The following STXBP5 variants were observed in gnomAD, a reference collection of about 807,000 sequenced individuals.
The protein encoded by STXBP5 is syntaxin binding protein 5.
Under a neutral mutation model 152.4 loss-of-function variants are expected in STXBP5, and 50 were observed. The ratio of observed to expected loss-of-function variants is 0.33; its 90% confidence interval spans 0.26 to 0.42. The LOEUF (loss-of-function observed/expected upper bound fraction) is 0.42, where lower values mean the gene tolerates loss of function less well. STXBP5 is among the 10% of genes least tolerant of loss of function. STXBP5 has a pLI of 1.00. For synonymous variants in STXBP5, 492 were observed against 494.7 expected (o/e 0.99, Z 0.07); for missense variants, 1,167 against 1,388.6 (o/e 0.84, Z 2.54).
At position 147,338,930 on chromosome 6, in the gene STXBP5, T is replaced by G. The variant is rs138737922; in HGVS notation, c.2147-249T>G. Among the ~76,000 whole-genome samples, 23 of 151,928 alleles carry G rather than the reference T, an allele frequency of 1.5e-4. No individual in the cohort carries two copies. In the East Asian group the frequency reaches 4.1e-3, roughly 27 times the overall value. ...TCTAACATCTAATATACCAAGATTT[T>G]GCCAAATTGTTGTAGAGTTAATATT... On this transcript the variant is annotated intron_variant, in intron 19 of 27. Coordinates refer to ENST00000321680, the MANE Select transcript of STXBP5 (RefSeq NM_001127715.4).
In STXBP5 at chr6:147,208,811, A is replaced by G. The variant is rs1367092063; in HGVS notation, c.248+2743A>G. Among the ~76,000 whole-genome samples the G allele has an allele frequency of 6.6e-5, 10 of 152,162 alleles. No homozygotes were observed. The East Asian group carries it at 1.9e-3, about 29-fold the overall frequency. On this transcript the variant is annotated intron_variant, in intron 2 of 27. Coordinates refer to ENST00000321680, the MANE Select transcript of STXBP5 (RefSeq NM_001127715.4). The stretch of plus-strand genomic sequence containing the variant: ...TGGGTTAAAACCAAAAAATCAAAGA[A>G]GAAAGATATATCTGATAGCTAATGT...
At chr6:147,335,638 AT>A (rs1348792181) in intron 19 of STXBP5, among the ~76,000 whole-genome samples, 6 of 152,158 alleles carry the variant, frequency 3.9e-5, no homozygotes, top group Non-Finnish European at 7.3e-5. Flanking sequence ...ATCTAAGTAT[AT>A]GAATATAAAA....
chr6:147,359,935 C>G (rs1304438932), intron 23 of STXBP5, among the ~76,000 whole-genome samples: 1 of 151,846 alleles, frequency 6.6e-6, no homozygotes, highest in Non-Finnish European at 1.5e-5. Context: ...ACAATGAACT[C>G]AAACAAATTT....
intron 26 of STXBP5, among the ~76,000 whole-genome samples, chr6:147,379,473 A>T (rs1418147084): frequency 3.3e-5 from 5 of 152,296 alleles, no homozygotes; most frequent in Admixed American, 6.5e-5. Context: ...AGATTCAATA[A>T]AAGATACCAG....
intron 9 of STXBP5, among the ~76,000 whole-genome samples, chr6:147,301,043 T>C (rs756475507): frequency 6.6e-6 from 1 of 151,606 alleles, no homozygotes; most frequent in Non-Finnish European, 1.5e-5. Context: ...ATCAGGCATA[T>C]GAAGAAATGT....
At chr6:147,380,813 A>T (rs969979478) in intron 26 of STXBP5, among the ~76,000 whole-genome samples, 3 of 152,194 alleles carry the variant, frequency 2.0e-5, no homozygotes, top group African/African-American at 7.2e-5. Flanking sequence ...AACTCTTAAA[A>T]ACTCAATAAT....
intron 8 of STXBP5, among the ~76,000 whole-genome samples, chr6:147,279,766 G>A (rs114963007): frequency 1.4e-3 from 212 of 152,014 alleles, no homozygotes; most frequent in African/African-American, 4.9e-3. Context: ...TCCTCATCTC[G>A]ACACTCCTAA....
At chr6:147,257,427 T>C (rs1779424441) in intron 4 of STXBP5, among the ~76,000 whole-genome samples, 1 of 151,884 alleles carries the variant, frequency 6.6e-6, no homozygotes, top group Non-Finnish European at 1.5e-5. Flanking sequence ...ACTATATATA[T>C]TATTAAATGT....
At chr6:147,360,433 G>T (rs1785012187) in intron 23 of STXBP5, among the ~76,000 whole-genome samples, 1 of 152,150 alleles carries the variant, frequency 6.6e-6, no homozygotes, top group African/African-American at 2.4e-5. Flanking sequence ...AATACATAGA[G>T]CAAGATTTCA....
intron 26 of STXBP5, among the ~76,000 whole-genome samples, chr6:147,377,818 A>G (rs2128421185): frequency 6.6e-6 from 1 of 152,286 alleles, no homozygotes; most frequent in South Asian, 2.1e-4. Flanking sequence ...TGTTGAGTGT[A>G]TAACAAAAGC....
At chr6:147,221,669 A>G (rs2115091542) in intron 2 of STXBP5, among the ~76,000 whole-genome samples, 1 of 151,634 alleles carries the variant, frequency 6.6e-6, no homozygotes, top group South Asian at 2.1e-4. Flanking sequence ...GTTTTTTTCC[A>G]ATGGCTTCTT....
intron 22 of STXBP5, among the ~76,000 whole-genome samples, chr6:147,355,512 A>G (rs188363992): frequency 6.6e-6 from 1 of 152,294 alleles, no homozygotes; most frequent in East Asian, 1.9e-4. Flanking sequence ...CATCTAAACT[A>G]GAACTTTAAT....
rs149154454 is a variant in STXBP5 at position 147,248,654 on chromosome 6, C to T, written c.431+9384C>T. On this transcript the variant is annotated intron_variant, in intron 4 of 27. Transcript: ENST00000321680. Reference sequence around the variant, plus strand: ...TCCTCCATGACCCAGCAATTTTATTCCTAAACAGGTACCTGTGGTAGGCAG... The same window carrying T: ...TCCTCCATGACCCAGCAATTTTATTTCTAAACAGGTACCTGTGGTAGGCAG... Among the ~76,000 whole-genome samples the T allele has an allele frequency of 2.4e-4, 36 of 152,244 alleles. No individual in the cohort carries two copies. The East Asian group carries it at 6.6e-3, about 28-fold the overall frequency.
intron 23 of STXBP5, among the ~76,000 whole-genome samples, chr6:147,359,714 G>T (rs1784979039): frequency 6.7e-6 from 1 of 148,672 alleles, no homozygotes; most frequent in Non-Finnish European, 1.5e-5. Flanking sequence ...TGTGGTGTTT[G>T]GTTTTTTGTT....
At chr6:147,313,641 A>G (rs570847041) in intron 11 of STXBP5, among the ~76,000 whole-genome samples, 1 of 152,162 alleles carries the variant, frequency 6.6e-6, no homozygotes, top group Non-Finnish European at 1.5e-5. Context: ...AGATGTATAT[A>G]TTTAAAGCAC....
chr6:147,236,312 A>AT (rs1440854927), intron 3 of STXBP5, among the ~76,000 whole-genome samples: 1 of 152,054 alleles, frequency 6.6e-6, no homozygotes, highest in East Asian at 1.9e-4. Context: ...AAGATGTTAA[A>AT]TTTTTTTTAA....
rs573666853 is a variant in STXBP5 at position 147,363,775 on chromosome 6, A to G, written c.2915+71A>G. On this transcript the variant is annotated intron_variant, in intron 24 of 27. Coordinates refer to ENST00000321680, the MANE Select transcript of STXBP5 (RefSeq NM_001127715.4). The stretch of plus-strand genomic sequence containing the variant: ...CTCAAACTATACTACAGAATTGTTT[A>G]AAAGAAATGCTTTTTGTGTGTGTAT... The G allele has an allele frequency of 7.2e-6, 11 of 1,517,272 alleles. No individual in the cohort carries two copies. In the East Asian group the frequency reaches 2.5e-4, roughly 34 times the overall value. 94.0% of individuals were successfully genotyped at this position (1,517,272 alleles called of 1,614,324 possible).
chr6:147,321,306 A>G (rs969220969), intron 16 of STXBP5, among the ~76,000 whole-genome samples: 1 of 152,210 alleles, frequency 6.6e-6, no homozygotes, highest in Non-Finnish European at 1.5e-5. Flanking sequence ...GCCTTTGTTT[A>G]CAATTGGTTT....
chr6:147,374,776 G>A (rs564366174), intron 26 of STXBP5, among the ~76,000 whole-genome samples: 5 of 152,242 alleles, frequency 3.3e-5, no homozygotes, highest in South Asian at 2.1e-4. Context: ...CTGTGCTAGA[G>A]CTAGCAAGAT....
Sources: gnomAD v4.1 joint callset for allele counts (sites outside exome capture counted in the v4.1 genomes callset) on GRCh38, gnomAD v4.1.1 for gene constraint, MANE v1.5 for transcripts, NCBI Gene and HGNC (gene_info 2026-07-23, HGNC 2026-07-21) for gene names.